Variants in TESPA1 observed in about 807,000 individuals in gnomAD.
TESPA1 encodes protein TESPA1.
TESPA1 carries 33 observed loss-of-function variants against 57.9 expected under a neutral mutation model. The observed-to-expected ratio is 0.57, with a 90% CI of 0.43 to 0.76. The LOEUF (loss-of-function observed/expected upper bound fraction) is 0.76, where lower values mean the gene tolerates loss of function less well. Among genes scored for constraint, TESPA1 ranks in the 30% least tolerant of loss-of-function variants. TESPA1 has a pLI of 0.00. For synonymous variants in TESPA1, 227 were observed against 228.9 expected (o/e 0.99, Z 0.07); for missense variants, 618 against 632.9 (o/e 0.98, Z 0.25).
intron 1 of TESPA1, among the ~76,000 whole-genome samples, chr12:54,980,270 A>C (rs1307983859): frequency 2.0e-5 from 3 of 152,232 alleles, no homozygotes; most frequent in Non-Finnish European, 1.5e-5. Flanking sequence ...TGACAGTCTT[A>C]GTGCAGGAAG....
At chr12:54,975,352 A>G (rs1297222992) in intron 1 of TESPA1, among the ~76,000 whole-genome samples, 1 of 152,144 alleles carries the variant, frequency 6.6e-6, no homozygotes, top group African/African-American at 2.4e-5. Flanking sequence ...CATCAATGCA[A>G]TTACTAATCC....
intron 1 of TESPA1, among the ~76,000 whole-genome samples, chr12:54,981,484 C>T (rs111952836): frequency 0.013 from 1,992 of 151,606 alleles, 36 homozygotes; most frequent in African/African-American, 0.044. Context: ...GACGAGTTAA[C>T]GGGTGCAGCA....
chr12:54,969,743 A>C (rs1951703711), intron 3 of TESPA1, among the ~76,000 whole-genome samples: 1 of 152,248 alleles, frequency 6.6e-6, no homozygotes, highest in South Asian at 2.1e-4. Context: ...CTCTATTTCT[A>C]TAAAGTTCAA....
intron 10 of TESPA1, among the ~76,000 whole-genome samples, chr12:54,960,855 T>C (rs1951029262): frequency 6.6e-6 from 1 of 152,170 alleles, no homozygotes; most frequent in Non-Finnish European, 1.5e-5. Flanking sequence ...TTCTTAGAAA[T>C]GCAAATTCTT....
intron 3 of TESPA1, among the ~76,000 whole-genome samples, chr12:54,971,268 C>T (rs543893821): frequency 4.6e-5 from 7 of 152,342 alleles, no homozygotes; most frequent in South Asian, 2.1e-4. Flanking sequence ...TCAGTAAATG[C>T]GGGCTCCTTG....
Position 54,974,535 on chromosome 12 carries a change from A to G in TESPA1, c.28T>C (p.Ser10Pro). The G allele has an allele frequency of 6.3e-7, 1 of 1,599,410 alleles. No homozygotes were observed. The highest frequency in any genetic ancestry group is 8.5e-7 in the Non-Finnish European group (1 of 1,172,870). Reference protein sequence around the residue: MEASVLSPTSWEKRRAWLRQ... With the variant: MEASVLSPTPWEKRRAWLRQ... ...AGCCAGGCCCGCCGTTTCTCCCAGGATGTGGGGCTCAGCACAGAGGCCTCC... is the reference window on the plus strand; with the variant it reads ...AGCCAGGCCCGCCGTTTCTCCCAGGGTGTGGGGCTCAGCACAGAGGCCTCC... The change falls in exon 2 of 11, where the codon TCC becomes CCC. Residue 10 changes from serine (S) to proline (P), a missense_variant. Physicochemically the swap from Ser to Pro is moderately conservative, Grantham distance 74. Around this residue, in one of 3 missense-constraint regions of TESPA1, gnomAD observed 199 missense variants for 184.0 expected, o/e 1.08. Transcript: ENST00000449076.
intron 3 of TESPA1, among the ~76,000 whole-genome samples, chr12:54,968,452 T>G (rs1174620402): frequency 6.6e-6 from 1 of 152,150 alleles, no homozygotes; most frequent in Non-Finnish European, 1.5e-5. Flanking sequence ...ATTTACCATC[T>G]CCACCAGAAG....
Position 54,966,141 on chromosome 12 carries a change from C to T in TESPA1, c.358G>A (p.Glu120Lys), listed in dbSNP as rs61956830. The stretch of plus-strand genomic sequence containing the variant: ...AGTAGCTGGCAAGGCCTGGCTGTCT[C>T]GAGGAAACTCCTGCAGAGATCAAAG... Reference protein sequence around the residue: ...NGKLFSRSFLETARPCQLLDL... With the variant: ...NGKLFSRSFLKTARPCQLLDL... The change falls in exon 7 of 11, where the codon GAG becomes AAG. Residue 120 changes from glutamate (E) to lysine (K), a missense_variant. Around this residue, in one of 3 missense-constraint regions of TESPA1, gnomAD observed 199 missense variants for 184.0 expected, o/e 1.08. Transcript: ENST00000449076. 36 of 1,568,680 alleles carry T rather than the reference C, an allele frequency of 2.3e-5. No homozygotes were observed. The highest frequency in any genetic ancestry group is 7.1e-5 in the East Asian group (3 of 42,316).
intron 10 of TESPA1, among the ~76,000 whole-genome samples, chr12:54,953,111 C>T (rs1224938986): frequency 6.6e-5 from 10 of 152,016 alleles, no homozygotes; most frequent in Admixed American, 6.6e-4. Flanking sequence ...CTTACTCTGC[C>T]GGCTTCCTAC....
chr12:54,983,652 C>A (rs1326163258), intron 1 of TESPA1, among the ~76,000 whole-genome samples: 1 of 152,182 alleles, frequency 6.6e-6, no homozygotes, highest in African/African-American at 2.4e-5. Flanking sequence ...TGTCAAATCA[C>A]TTCTGTGGAA....
At chr12:54,953,342 A>T (rs1950514663) in intron 10 of TESPA1, among the ~76,000 whole-genome samples, 1 of 151,996 alleles carries the variant, frequency 6.6e-6, no homozygotes, top group Non-Finnish European at 1.5e-5. Flanking sequence ...ACTAGGCATA[A>T]GGTGTAGTTT....
chr12:54,964,194 C>A (rs1008449748), intron 7 of TESPA1, among the ~76,000 whole-genome samples: 2 of 152,138 alleles, frequency 1.3e-5, no homozygotes, highest in Non-Finnish European at 2.9e-5. Flanking sequence ...GTACTTTGAA[C>A]AACTTATTGC....
chr12:54,963,434 T>C (rs1714771269), intron 8 of TESPA1, among the ~76,000 whole-genome samples, 192 bp from the exon 9 acceptor site: 1 of 152,176 alleles, frequency 6.6e-6, no homozygotes, highest in Non-Finnish European at 1.5e-5. Flanking sequence ...CCATCCCATG[T>C]AGATATTCCA....
intron 9 of TESPA1, among the ~76,000 whole-genome samples, chr12:54,962,001 G>C (rs1004090701): frequency 1.3e-5 from 2 of 152,182 alleles, no homozygotes; most frequent in African/African-American, 4.8e-5. Context: ...TTTTAGCACA[G>C]AAGTCCTAAC....
intron 1 of TESPA1, among the ~76,000 whole-genome samples, 161 bp from the exon 2 acceptor site, chr12:54,974,768 C>G (rs1391974947): frequency 6.6e-6 from 1 of 152,046 alleles, no homozygotes; most frequent in Non-Finnish European, 1.5e-5. Flanking sequence ...TCTGTCTCTC[C>G]TGCAAAAAAG....
Position 54,963,913 on chromosome 12 carries a change from C to G in TESPA1, c.484G>C (p.Glu162Gln), listed in dbSNP as rs371203487. 2 of 1,613,910 alleles carry G rather than the reference C, an allele frequency of 1.2e-6. No individual in the cohort carries two copies. Among genetic ancestry groups the G allele is most frequent in the African/African-American group, 2.7e-5 (2 of 74,932 alleles). ...AAGCCCAGACTGAAGAGGACATCTT[C>G]TGCATCTTCTTGCACTTTGTCCAGA... ...EILDKVQEDA[E>Q]DVLFSLGFGQ... is the part of the protein sequence containing the mutation. The change falls in exon 8 of 11, where the codon GAA becomes CAA. Residue 162 changes from glutamate to glutamine, a missense_variant. This residue lies in a region of TESPA1 where 10 missense variants were observed against 28.8 expected (regional missense o/e 0.35). Transcript: ENST00000449076.
chr12:54,961,879 G>A (rs1169101425), intron 9 of TESPA1, among the ~76,000 whole-genome samples: 2 of 152,134 alleles, frequency 1.3e-5, no homozygotes, highest in East Asian at 1.9e-4. Flanking sequence ...GTGCAGGCTC[G>A]GGTAACCAAA....
At chr12:54,968,841 C>T in intron 3 of TESPA1, among the ~76,000 whole-genome samples, 1 of 151,952 alleles carries the variant, frequency 6.6e-6, no homozygotes, top group East Asian at 1.9e-4. Flanking sequence ...AGTGCATCCA[C>T]TGGTGCTGGT....
chr12:54,963,293 C>CT, intron 8 of TESPA1, 51 bp from the exon 9 acceptor site: 1 of 1,522,206 alleles, frequency 6.6e-7, no homozygotes, highest in South Asian at 1.2e-5. Context: ...AGCAAATCTT[C>CT]TTAAATCTCT....
Sources: gnomAD v4.1 joint callset for allele counts (sites outside exome capture counted in the v4.1 genomes callset) on GRCh38, gnomAD v4.1.1 for gene constraint, gnomAD v4.1.1 regional missense constraint, MANE v1.5 for transcripts, NCBI Gene and HGNC (gene_info 2026-07-23, HGNC 2026-07-21) for gene names.